The following SLC1A7 variants were observed in gnomAD, a reference collection of about 807,000 sequenced individuals.
The protein encoded by SLC1A7 is solute carrier family 1 member 7.
Under a neutral mutation model 47.7 loss-of-function variants are expected in SLC1A7, and 40 were observed. The ratio of observed to expected loss-of-function variants is 0.84; its 90% CI spans 0.65 to 1.09. The LOEUF is 1.09. SLC1A7 is among the 50% of genes least tolerant of loss of function. The pLI is 0.00. For missense variants in SLC1A7, 746 were observed against 769.5 expected (o/e 0.97, Z 0.36); for synonymous variants, 323 against 325.6 (o/e 0.99, Z 0.09).
intron 2 of SLC1A7, among the ~76,000 whole-genome samples, chr1:53,123,876 A>C (rs1014748012): frequency 2.0e-5 from 3 of 152,200 alleles, no homozygotes; most frequent in Non-Finnish European, 4.4e-5. Flanking sequence ...CAGGGCTCAC[A>C]CCAGAAGGTT....
chr1:53,140,613 T>C (rs934877540), intron 1 of SLC1A7, among the ~76,000 whole-genome samples: 2 of 152,178 alleles, frequency 1.3e-5, no homozygotes, highest in East Asian at 3.9e-4. Flanking sequence ...TGGTTCCTGA[T>C]GTAGATAGGA....
intron 2 of SLC1A7, among the ~76,000 whole-genome samples, chr1:53,127,895 C>T (rs528199287): frequency 6.6e-6 from 1 of 152,234 alleles, no homozygotes; most frequent in African/African-American, 2.4e-5. Flanking sequence ...AGAACAGAGC[C>T]CAGCGGACAC....
rs542563944 is a variant in SLC1A7, at chr1:53,122,155, T to C, written c.216-7182A>G. Among the ~76,000 whole-genome samples the C allele has an allele frequency of 9.9e-5, 15 of 152,280 alleles. 1 individual carries two copies. In the South Asian group the frequency reaches 3.1e-3, roughly 32 times the overall value. ...AGAGCTGTCCTGCTCTGGCAGGAAC[T>C]ACCTTGAGAAGTGGTGACCTCCCAG... On this transcript the variant is annotated intron_variant, in intron 2 of 10. Coordinates refer to ENST00000371494, the MANE Select transcript of SLC1A7 (RefSeq NM_006671.6).
chr1:53,109,712 CT>C (rs1467867578), intron 3 of SLC1A7, among the ~76,000 whole-genome samples: 1 of 152,198 alleles, frequency 6.6e-6, no homozygotes, highest in Non-Finnish European at 1.5e-5. Flanking sequence ...CAGGAGGCCC[CT>C]GGTCCCTCAC....
At chr1:53,100,088 A>T (rs759237547) in intron 5 of SLC1A7, among the ~76,000 whole-genome samples, 5 of 147,224 alleles carry the variant, frequency 3.4e-5, no homozygotes, top group African/African-American at 5.1e-5. Flanking sequence ...CCCCACCTTG[A>T]TACCTTCACA....
chr1:53,122,821 C>T (rs1016422990), intron 2 of SLC1A7, among the ~76,000 whole-genome samples: 4 of 152,144 alleles, frequency 2.6e-5, no homozygotes, highest in Admixed American at 6.5e-5. Context: ...CAATGAAATC[C>T]GCCTCCGGGG....
At position 53,090,724 on chromosome 1, in the gene SLC1A7, C is replaced by T. The variant is rs762683335; in HGVS notation, c.1114G>A (p.Val372Met). 18 of 1,614,036 alleles carry T rather than the reference C, an allele frequency of 1.1e-5. No individual in the cohort carries two copies. The highest frequency in any genetic ancestry group is 1.7e-4 in the Middle Eastern group (1 of 6,060). The change falls in exon 8 of 11, where the codon GTG becomes ATG. Residue 372 changes from valine to methionine, a missense_variant. Transcript: ENST00000371494. ...DRRIARFVLP[V>M]GATINMDGTA... is the part of the protein sequence containing the mutation. ...CCGTCCATGTTGATGGTGGCACCCA[C>T]GGGCAGCACGAAGCGAGCGATGCGC...
chr1:53,089,551 T>G (rs1434414627), intron 9 of SLC1A7, among the ~76,000 whole-genome samples: 2 of 152,340 alleles, frequency 1.3e-5, no homozygotes, highest in East Asian at 3.9e-4. Flanking sequence ...CTGGGACATA[T>G]AGGCGTGAGT....
At chr1:53,096,165 C>T (rs1644487659) in intron 5 of SLC1A7, among the ~76,000 whole-genome samples, 1 of 151,488 alleles carries the variant, frequency 6.6e-6, no homozygotes, top group Admixed American at 6.6e-5. Flanking sequence ...CTCACACACA[C>T]CACCTCGGTA....
At chr1:53,108,217 C>T in intron 3 of SLC1A7, 1 of 238,298 alleles carries the variant, frequency 4.2e-6, no homozygotes. Context: ...CTCACACTGC[C>T]TCCACCTGGG....
chr1:53,101,944 C>T (rs572976657), intron 5 of SLC1A7, among the ~76,000 whole-genome samples: 9 of 152,284 alleles, frequency 5.9e-5, no homozygotes, highest in Non-Finnish European at 8.8e-5. Flanking sequence ...TACCCTCATA[C>T]GACCTGCCTC....
intron 2 of SLC1A7, among the ~76,000 whole-genome samples, chr1:53,129,794 C>A (rs553611889): frequency 7.1e-6 from 1 of 141,130 alleles, no homozygotes; most frequent in Non-Finnish European, 1.6e-5. Context: ...TTGTTTAGAT[C>A]TCCAACTTCT....
intron 2 of SLC1A7, among the ~76,000 whole-genome samples, chr1:53,120,450 G>A (rs1417353676): frequency 3.9e-5 from 6 of 152,088 alleles, no homozygotes; most frequent in Admixed American, 3.9e-4. Flanking sequence ...ATTGCCCTCC[G>A]CAACCATCCC....
chr1:53,113,249 T>A (rs1187581251), intron 3 of SLC1A7, among the ~76,000 whole-genome samples: 3 of 151,972 alleles, frequency 2.0e-5, no homozygotes, highest in African/African-American at 4.8e-5. Context: ...GGGTGGGGCT[T>A]CCCAGGCTCC....
chr1:53,129,475 C>CGAATAGGGAT, intron 2 of SLC1A7, among the ~76,000 whole-genome samples: 1 of 106,492 alleles, frequency 9.4e-6, no homozygotes, highest in Non-Finnish European at 2.1e-5. Flanking sequence ...ATGAAGCCAC[C>CGAATAGGGAT]ACTGGTCAAG....
intron 2 of SLC1A7, among the ~76,000 whole-genome samples, chr1:53,125,469 A>G (rs1248056992): frequency 6.6e-6 from 1 of 152,142 alleles, no homozygotes; most frequent in Non-Finnish European, 1.5e-5. Context: ...TTCTGAGAGG[A>G]AAAAGACTAA....
At chr1:53,131,667 G>C (rs542981941) in intron 2 of SLC1A7, among the ~76,000 whole-genome samples, 1 of 152,366 alleles carries the variant, frequency 6.6e-6, no homozygotes, top group African/African-American at 2.4e-5. Context: ...ATGCATGATT[G>C]CAGGATCCAT....
intron 5 of SLC1A7, among the ~76,000 whole-genome samples, chr1:53,098,832 C>G (rs1005555448): frequency 6.6e-6 from 1 of 151,866 alleles, no homozygotes; most frequent in South Asian, 2.1e-4. Flanking sequence ...TTGGTACACT[C>G]ACACCGCCTT....
chr1:53,103,152 C>T, intron 5 of SLC1A7, 194 bp downstream of exon 5: 2 of 525,018 alleles, frequency 3.8e-6, no homozygotes, highest in South Asian at 5.6e-5. Context: ...GGGGGAGGTG[C>T]CAGGGGGAAG....
Sources: gnomAD v4.1 joint callset for allele counts (sites outside exome capture counted in the v4.1 genomes callset) on GRCh38, gnomAD v4.1.1 for gene constraint, MANE v1.5 for transcripts, NCBI Gene and HGNC (gene_info 2026-07-23, HGNC 2026-07-21) for gene names.